Variants in CFAP57 observed in about 807,000 individuals in gnomAD.
CFAP57 encodes the protein cilia and flagella associated protein 57.
A neutral mutation model predicts 146.8 loss-of-function variants in CFAP57; 116 were observed. That is an observed-to-expected ratio of 0.79 (90% CI 0.68 to 0.92). CFAP57 has a LOEUF of 0.92. CFAP57 is among the 40% of genes least tolerant of loss of function. CFAP57 has a pLI of 0.00. For synonymous variants in CFAP57, 518 were observed against 552.8 expected, an observed-to-expected ratio of 0.94 and a Z score of 0.88; for missense variants, 1,377 against 1,527.2, an observed-to-expected ratio of 0.90 and a Z score of 1.64.
At chr1:43,211,724 G>C (rs1348257839) in intron 11 of CFAP57, among the ~76,000 whole-genome samples, 1 of 152,268 alleles carries the variant, frequency 6.6e-6, no homozygotes, top group East Asian at 1.9e-4. Context: ...TCACACTACT[G>C]TAAGCGTTTG....
At chr1:43,222,775 T>A (rs1416715972) in intron 15 of CFAP57, 49 bp from the exon 16 acceptor site, 1 of 1,471,726 alleles carries the variant, frequency 6.8e-7, no homozygotes, top group African/African-American at 1.4e-5. Flanking sequence ...GGCACAAAGA[T>A]GTGTGAGTCC....
chr1:43,217,891 GC>G, intron 12 of CFAP57, among the ~76,000 whole-genome samples: 1 of 152,126 alleles, frequency 6.6e-6, no homozygotes. Context: ...GGTCTACCGG[GC>G]CCCTGATGGT....
chr1:43,253,147 T>C (rs1362815254), intron 22 of CFAP57, among the ~76,000 whole-genome samples: 1 of 151,986 alleles, frequency 6.6e-6, no homozygotes, highest in East Asian at 1.9e-4. Context: ...GAGGGTGCTG[T>C]TGGGAAGATG....
intron 18 of CFAP57, among the ~76,000 whole-genome samples, chr1:43,227,951 C>T (rs976806103): frequency 1.3e-5 from 2 of 152,242 alleles, no homozygotes; most frequent in Non-Finnish European, 2.9e-5. Context: ...TCACCAACAT[C>T]TGTCTGATCA....
Position 43,186,742 on chromosome 1 carries a change from G to A in CFAP57, c.1005G>A (p.Gln335=). The A allele has an allele frequency of 3.1e-6, 5 of 1,614,094 alleles. No homozygotes were observed. The highest frequency in any genetic ancestry group is 2.7e-5 in the African/African-American group (2 of 75,008). Residue 335 remains glutamine, a synonymous_variant, in exon 6 of 23, where the codon CAG becomes CAA. Coordinates refer to ENST00000372492, the MANE Select transcript of CFAP57 (RefSeq NM_001378189.1). ...ACCCGCAGAGCAATGATCCAAGTCA[G>A]TCTGACAAACAGGACGTTCTCTGCC... ...PVDPQSNDPS[Q]SDKQDVLCLC...
chr1:43,172,742 T>C lies in CFAP57; in HGVS notation c.-12T>C. The C allele has an allele frequency of 1.2e-6, 2 of 1,613,942 alleles. No individual in the cohort carries two copies. Among genetic ancestry groups the C allele is most frequent in the Non-Finnish European group, 1.7e-6 (2 of 1,180,010 alleles). Reference sequence around the variant, plus strand: ...TGCCTTGGTCTTCAGCAGAACTGTTTGGCGGGAGATCATGTCAGCCGTGGT... The same window carrying C: ...TGCCTTGGTCTTCAGCAGAACTGTTCGGCGGGAGATCATGTCAGCCGTGGT... On this transcript the variant is annotated 5_prime_UTR_variant, in exon 2 of 23. Coordinates refer to ENST00000372492, the MANE Select transcript of CFAP57 (RefSeq NM_001378189.1).
chr1:43,197,436 A>G (rs1643911936), intron 6 of CFAP57, 117 bp from the exon 7 acceptor site: 7 of 1,248,444 alleles, frequency 5.6e-6, no homozygotes, highest in African/African-American at 1.5e-5. Context: ...CAGTTTAGCC[A>G]CAGCCTGATT....
chr1:43,239,160 C>T (rs555529547), intron 21 of CFAP57, among the ~76,000 whole-genome samples: 4 of 152,224 alleles, frequency 2.6e-5, no homozygotes, highest in South Asian at 2.1e-4. Flanking sequence ...AGCGGGACCT[C>T]CCATGCCTGG....
chr1:43,219,237 TG>T, intron 12 of CFAP57, 144 bp from the exon 13 acceptor site: 2 of 869,086 alleles, frequency 2.3e-6, no homozygotes, highest in Non-Finnish European at 3.4e-6. Flanking sequence ...ATGTGCCTTC[TG>T]GGGAAAAGAT....
chr1:43,222,282 C>A lies in CFAP57; in HGVS notation c.2519C>A (p.Thr840Asn). 1 of 1,448,506 alleles carries A rather than the reference C, an allele frequency of 6.9e-7. No individual in the cohort carries two copies. The highest frequency in any genetic ancestry group is 9.1e-7 in the Non-Finnish European group (1 of 1,096,410). The allele number at this position is 1,448,506 out of a possible 1,614,324, so 89.7% of individuals were successfully genotyped here. A position where few individuals can be genotyped will look rare whatever the true frequency, so the allele number is the denominator to read the frequency against. The change falls in exon 15 of 23, where the codon ACC becomes AAC. Residue 840 changes from threonine (T) to asparagine (N), a missense_variant. Transcript: ENST00000372492. ...FYEAKLQEKT[T>N]LLEEAQEDVR... ...GAGGCAAAACTGCAGGAGAAAACCACCCTTCTGGAAGAGGTACTCACAGGA... is the reference window on the plus strand; with the variant it reads ...GAGGCAAAACTGCAGGAGAAAACCAACCTTCTGGAAGAGGTACTCACAGGA...
rs975946295 is a variant in CFAP57, at chr1:43,238,644, C to T, written c.3405+4006C>T. Among the ~76,000 whole-genome samples the T allele has an allele frequency of 5.9e-5, 9 of 152,164 alleles. No individual in the cohort carries two copies. Among genetic ancestry groups the T allele is most frequent in the African/African-American group, 1.9e-4 (8 of 41,434 alleles). The stretch of plus-strand genomic sequence containing the variant: ...AAAACGGTCGACCTCAATGTGACCT[C>T]GGGACCCCTCGGAACACAGGCCACC... On this transcript the variant is annotated intron_variant, in intron 21 of 22. Coordinates refer to ENST00000372492, the MANE Select transcript of CFAP57 (RefSeq NM_001378189.1). The surrounding 1 kb of genome is among the most constrained non-coding windows in gnomAD (Gnocchi z 4.3).
At chr1:43,210,669 G>C (rs963891704) in intron 11 of CFAP57, 1 of 157,104 alleles carries the variant, frequency 6.4e-6, no homozygotes, top group South Asian at 2.0e-4. Flanking sequence ...CTGCAGGAAG[G>C]GGGAATGAGG....
chr1:43,231,081 C>G (rs1246914186), intron 18 of CFAP57, among the ~76,000 whole-genome samples: 3 of 152,194 alleles, frequency 2.0e-5, no homozygotes, highest in Non-Finnish European at 4.4e-5. Context: ...CACTATTGCT[C>G]TCCTTTGTCC....
At chr1:43,184,925 G>A (rs1642930074) in intron 4 of CFAP57, 2 of 528,354 alleles carry the variant, frequency 3.8e-6, no homozygotes, top group African/African-American at 3.8e-5. Flanking sequence ...TACAACTCTC[G>A]CCTCTGTCTA....
intron 17 of CFAP57, among the ~76,000 whole-genome samples, chr1:43,225,916 T>C (rs1418687278): frequency 6.6e-6 from 1 of 152,216 alleles, no homozygotes; most frequent in African/African-American, 2.4e-5. Context: ...CTCACGCCTG[T>C]AATCCCAGCA....
chr1:43,246,872 A>G (rs1198923610), intron 22 of CFAP57, among the ~76,000 whole-genome samples: 1 of 152,230 alleles, frequency 6.6e-6, no homozygotes, highest in East Asian at 1.9e-4. Context: ...TTTTATTACT[A>G]CTTAATCCAA....
chr1:43,228,210 T>A (rs1180648741), intron 18 of CFAP57, among the ~76,000 whole-genome samples: 1 of 152,160 alleles, frequency 6.6e-6, no homozygotes, highest in Non-Finnish European at 1.5e-5. Flanking sequence ...CAGCTCCCCC[T>A]CCCTGCTCCA....
chr1:43,191,454 G>A (rs1643516794), intron 6 of CFAP57, among the ~76,000 whole-genome samples: 1 of 152,006 alleles, frequency 6.6e-6, no homozygotes, highest in Admixed American at 6.6e-5. Context: ...AGGCATGGTG[G>A]TGGGCGCCTG....
At chr1:43,172,591 G>A (rs1569748172) in intron 1 of CFAP57, 138 bp downstream of exon 1, 1 of 634,316 alleles carries the variant, frequency 1.6e-6, no homozygotes, top group Non-Finnish European at 2.7e-6. Context: ...GGGACAAGGG[G>A]AGGGGAAAGG....
Sources: gnomAD v4.1 joint callset for allele counts (sites outside exome capture counted in the v4.1 genomes callset) on GRCh38, gnomAD v4.1.1 for gene constraint, Gnocchi (gnomAD v3.1) non-coding constraint, MANE v1.5 for transcripts, NCBI Gene and HGNC (gene_info 2026-07-23, HGNC 2026-07-21) for gene names.